SLC35B2: variants seen among roughly 807,000 people sequenced by gnomAD.
SLC35B2 encodes adenosine 3'-phospho 5'-phosphosulfate transporter 1.
A neutral mutation model predicts 37.9 loss-of-function variants in SLC35B2; 19 were observed. The observed-to-expected ratio is 0.50, with a 90% CI of 0.35 to 0.74. The LOEUF (loss-of-function observed/expected upper bound fraction) is 0.74. Ranked by LOEUF, SLC35B2 falls within the 30% of genes least tolerant of loss-of-function variation. SLC35B2 has a pLI of 0.01. For missense variants in SLC35B2, 633 were observed against 547.6 expected (o/e 1.16, Z -1.56); for synonymous variants, 277 against 225.2 (o/e 1.23, Z -2.06).
In SLC35B2 at chr6:44,254,764, C is replaced by CG; in HGVS notation, c.1240dup (p.Arg414ProfsTer13). Reference sequence around the variant, plus strand: ...AGCCTTCTTTCCCCGTTGCTTTAGACGGCCCCGCGCGTAGACTCTGAGCAG... The same window carrying CG: ...AGCCTTCTTTCCCCGTTGCTTTAGACGGGCCCCGCGCGTAGACTCTGAGCAG... On this transcript the variant is annotated frameshift_variant, in exon 4 of 4. Transcript: ENST00000393812. LOFTEE classifies it high-confidence loss of function. 6.2e-7 allele frequency: 1 copy of CG among 1,614,104 alleles called. No homozygotes were observed. Among genetic ancestry groups the CG allele is most frequent in the Non-Finnish European group, 8.5e-7 (1 of 1,179,988 alleles).
rs751441027 is a variant in SLC35B2 at position 44,256,479 on chromosome 6, G to A, written c.223C>T (p.Pro75Ser). ...YLETGRGLCF[P>S]LVKACVFGNE... ...CCAAACACACAAGCTTTCACCAGGG[G>A]AAAGCAGAGGCCCCTACCTGAAGAA... The change falls in exon 3 of 4, where the codon CCC (proline) becomes TCC (serine). Residue 75 changes from proline to serine, a missense_variant. By Grantham distance (74) the Pro-to-Ser change is moderately conservative (BLOSUM62 -1). Transcript: ENST00000393812. The A allele has an allele frequency of 3.5e-5, 57 of 1,614,084 alleles. No individual in the cohort carries two copies. The highest frequency in any genetic ancestry group is 8.3e-5 in the Admixed American group (5 of 60,008).
In SLC35B2 at chr6:44,254,852, G is replaced by A. The variant is rs1336815095; in HGVS notation, c.1153C>T (p.Leu385Phe). The part of the protein sequence containing the change: ...QAFAILLSCL[L>F]YGHTVTVVGG... Reference sequence around the variant, plus strand: ...ACCACAGTGACAGTGTGGCCATAGAGAAGGCAGGAAAGAAGGATGGCAAAG... The same window carrying A: ...ACCACAGTGACAGTGTGGCCATAGAAAAGGCAGGAAAGAAGGATGGCAAAG... The change falls in exon 4 of 4, where the codon CTC becomes TTC. Residue 385 changes from leucine to phenylalanine, a missense_variant. Coordinates refer to ENST00000393812, the MANE Select transcript of SLC35B2 (RefSeq NM_178148.4). The A allele has an allele frequency of 1.2e-6, 2 of 1,614,106 alleles. No individual in the cohort carries two copies. The highest frequency in any genetic ancestry group is 1.7e-6 in the Non-Finnish European group (2 of 1,180,052).
In SLC35B2 at chr6:44,254,794, G is replaced by A; in HGVS notation, c.1211C>T (p.Ala404Val). Reference protein sequence around the residue: ...GGLGVAVVFAALLLRVYARGR... With the variant: ...GGLGVAVVFAVLLLRVYARGR... ...CCGCGCGTAGACTCTGAGCAGGAGG[G>A]CAGCAAAGACCACAGCCACCCCCAG... is the stretch of plus-strand genomic sequence containing the variant. The change falls in exon 4 of 4, where the codon GCC becomes GTC. Residue 404 changes from alanine to valine, a missense_variant. By Grantham distance (64) the Ala-to-Val change is moderately conservative. Transcript: ENST00000393812. The A allele has an allele frequency of 6.2e-7, 1 of 1,614,180 alleles. No homozygotes were observed. The highest frequency in any genetic ancestry group is 1.1e-5 in the South Asian group (1 of 91,084).
At chr6:44,257,791 C>T (rs1781724736), upstream of SLC35B2, 1 of 153,728 alleles carries the variant, frequency 6.5e-6, no homozygotes. Context: ...GTGGACAGGA[C>T]ATTGAGGCTC....
chr6:44,257,318 C>T, intron 1 of SLC35B2, 82 bp downstream of exon 1: 1 of 1,297,604 alleles, frequency 7.7e-7, no homozygotes, highest in Non-Finnish European at 9.9e-7. Flanking sequence ...GCCGGGACCC[C>T]ACCCGGCCCC....
chr6:44,254,597 T>G lies in SLC35B2; in HGVS notation c.*109A>C. On this transcript the variant is annotated 3_prime_UTR_variant, in exon 4 of 4. Transcript: ENST00000393812. ...CTGCTGCAGAGCTGGTCTGTGATAC[T>G]GAGAAAACACCTGCATTTTGCCCTT... The G allele has an allele frequency of 7.9e-7, 1 of 1,269,002 alleles. No individual in the cohort carries two copies. Among genetic ancestry groups the G allele is most frequent in the Non-Finnish European group, 1.1e-6 (1 of 919,836 alleles). 78.6% of individuals were successfully genotyped at this position (1,269,002 alleles called of 1,614,324 possible). A position where few individuals can be genotyped will look rare whatever the true frequency, so the allele number is the denominator to read the frequency against.
chr6:44,257,226 G>A, intron 1 of SLC35B2, 174 bp downstream of exon 1: 1 of 693,422 alleles, frequency 1.4e-6, no homozygotes, highest in Non-Finnish European at 2.1e-6. Context: ...TCCGCCCGAA[G>A]CTCCCCAAGG....
intron 2 of SLC35B2, 81 bp downstream of exon 2, chr6:44,256,604 C>A: frequency 6.2e-7 from 1 of 1,611,578 alleles, no homozygotes; most frequent in Non-Finnish European, 8.5e-7. Flanking sequence ...CCCGCCCTCT[C>A]CAAGTCATAT....
chr6:44,257,197 C>T (rs1004403108), intron 1 of SLC35B2: 2 of 535,472 alleles, frequency 3.7e-6, no homozygotes, highest in African/African-American at 2.0e-5. Context: ...CGATCCGGGA[C>T]GTCAGGGTCC....
chr6:44,257,362 G>T, intron 1 of SLC35B2, 38 bp downstream of exon 1: 1 of 1,324,080 alleles, frequency 7.6e-7, no homozygotes, highest in South Asian at 2.1e-5. Context: ...TGGCCCGGGG[G>T]CTCGGTCACG....
At chr6:44,257,606 G>T (rs940118090), upstream of SLC35B2, 212 of 298,088 alleles carry the variant, frequency 7.1e-4, no homozygotes, top group Non-Finnish European at 1.0e-3. Flanking sequence ...GCCGCCGCCG[G>T]ACCACAGCGC....
Position 44,256,500 on chromosome 6 carries a change from A to T in SLC35B2, c.206-4T>A. 1 of 1,614,138 alleles carries T rather than the reference A, an allele frequency of 6.2e-7. No homozygotes were observed. Among genetic ancestry groups the T allele is most frequent in the Admixed American group, 1.7e-5 (1 of 60,002 alleles). ...AGGGGAAAGCAGAGGCCCCTACCTG[A>T]AGAAAGCACACAAAGTCAAGCCCCA... On this transcript the variant is annotated splice_region_variant and splice_polypyrimidine_tract_variant and intron_variant, in intron 2 of 3. Transcript: ENST00000393812.
At position 44,254,972 on chromosome 6, in the gene SLC35B2, A is replaced by C; in HGVS notation, c.1033T>G (p.Ser345Ala). 1 of 1,614,182 alleles carries C rather than the reference A, an allele frequency of 6.2e-7. No homozygotes were observed. Among genetic ancestry groups the C allele is most frequent in the Non-Finnish European group, 8.5e-7 (1 of 1,180,030 alleles). ...SEFAAHALLL[S>A]ICSACGQLFI... is the part of the protein sequence containing the mutation. ...AGCTGGCCACATGCGGAGCAGATGG[A>C]GAGTAGCAGGGCATGGGCAGCAAAC... is the stretch of plus-strand genomic sequence containing the variant. Residue 345 changes from serine (S) to alanine (A), a missense_variant, in exon 4 of 4, where the codon TCC becomes GCC. Coordinates refer to ENST00000393812, the MANE Select transcript of SLC35B2 (RefSeq NM_178148.4).
Position 44,254,985 on chromosome 6 carries a change from A to G in SLC35B2, c.1020T>C (p.His340=). 1.9e-6 allele frequency: 3 copies of G among 1,614,222 alleles called. No individual in the cohort carries two copies. Among genetic ancestry groups the G allele is most frequent in the Non-Finnish European group, 2.5e-6 (3 of 1,180,022 alleles). ...CGGAGCAGATGGAGAGTAGCAGGGCATGGGCAGCAAACTCACTGTGTCGCC... is the reference window on the plus strand; with the variant it reads ...CGGAGCAGATGGAGAGTAGCAGGGCGTGGGCAGCAAACTCACTGTGTCGCC... ...FMGRHSEFAA[H]ALLLSICSAC... is the part of the protein sequence containing the mutation. The change falls in exon 4 of 4, where the codon CAT becomes CAC. Residue 340 remains histidine (H), a synonymous_variant. Coordinates refer to ENST00000393812, the MANE Select transcript of SLC35B2 (RefSeq NM_178148.4).
In SLC35B2 at chr6:44,254,606, A is replaced by AC. The variant is rs1781162825; in HGVS notation, c.*99dup. 7.6e-7 allele frequency: 1 copy of AC among 1,315,678 alleles called. No individual in the cohort carries two copies. Among genetic ancestry groups the AC allele is most frequent in the East Asian group, 2.3e-5 (1 of 43,126 alleles). 81.5% of individuals were successfully genotyped at this position (1,315,678 alleles called of 1,614,324 possible). A position where few individuals can be genotyped will look rare whatever the true frequency, so the allele number is the denominator to read the frequency against. On this transcript the variant is annotated 3_prime_UTR_variant, in exon 4 of 4. Transcript: ENST00000393812. ...AGCTGGTCTGTGATACTGAGAAAAC[A>AC]CCTGCATTTTGCCCTTTCAGCCAGC...
chr6:44,255,627 C>T lies in SLC35B2; in HGVS notation c.378G>A (p.Trp126Ter), dbSNP rs754925760. 2 of 1,612,756 alleles carry T rather than the reference C, an allele frequency of 1.2e-6. No homozygotes were observed. Among genetic ancestry groups the T allele is most frequent in the East Asian group, 2.2e-5 (1 of 44,858 alleles). The change falls in exon 4 of 4, where the codon TGG becomes TGA. Residue 126 changes from tryptophan to a stop codon, truncating the protein, a stop_gained. Coordinates refer to ENST00000393812, the MANE Select transcript of SLC35B2 (RefSeq NM_178148.4). LOFTEE classifies it high-confidence loss of function. ...TCATCACTCTTTCCTGCAGCACACC[C>T]CAAGTCAGATAAGACACCTGTTGGG... ...ATGLQVSYLT[W>*]GVLQERVMTR...
At chr6:44,257,012 C>CCTCTCTCT (rs36092647) in intron 1 of SLC35B2, 134 bp from the exon 2 acceptor site, 29 of 798,440 alleles carry the variant, frequency 3.6e-5, no homozygotes, top group African/African-American at 3.1e-4. Context: ...GGACAAAGAG[C>CCTCTCTCT]CTCTCTCTCT....
In SLC35B2 at chr6:44,254,683, C is replaced by T. The variant is rs369384422; in HGVS notation, c.*23G>A. Reference sequence around the variant, plus strand: ...ATGGTGGGAGGGTCCTATTTCACTTCACCCCTCAGGCCCTTTCCACCCTCA... The same window carrying T: ...ATGGTGGGAGGGTCCTATTTCACTTTACCCCTCAGGCCCTTTCCACCCTCA... On this transcript the variant is annotated 3_prime_UTR_variant, in exon 4 of 4. Coordinates refer to ENST00000393812, the MANE Select transcript of SLC35B2 (RefSeq NM_178148.4). 3 of 1,582,874 alleles carry T rather than the reference C, an allele frequency of 1.9e-6. No individual in the cohort carries two copies. Among genetic ancestry groups the T allele is most frequent in the Non-Finnish European group, 2.6e-6 (3 of 1,161,590 alleles).
In SLC35B2 at chr6:44,256,777, C is replaced by A; in HGVS notation, c.113G>T (p.Arg38Leu). ...PESWTQLWFF[R>L]FVVNAAGYAS... ...ATAGCCAGCAGCATTCACCACAAAT[C>A]GGAAGAACCATAGCTGGGTCCATGA... The change falls in exon 2 of 4, where the codon CGA (arginine) becomes CTA (leucine). Residue 38 changes from arginine to leucine, a missense_variant. By Grantham distance (102) the Arg-to-Leu change is moderately radical (BLOSUM62 -2). Coordinates refer to ENST00000393812, the MANE Select transcript of SLC35B2 (RefSeq NM_178148.4). 1 of 1,614,200 alleles carries A rather than the reference C, an allele frequency of 6.2e-7. No homozygotes were observed. The highest frequency in any genetic ancestry group is 8.5e-7 in the Non-Finnish European group (1 of 1,180,032).
Sources: gnomAD v4.1 joint callset for allele counts on GRCh38, gnomAD v4.1.1 for gene constraint, MANE v1.5 for transcripts, NCBI Gene and HGNC (gene_info 2026-07-23, HGNC 2026-07-21) for gene names.